The following PLAC1 variants were observed in gnomAD, a reference collection of about 807,000 sequenced individuals.
The protein encoded by PLAC1 is placenta-specific protein 1.
For synonymous variants in PLAC1, 68 were observed against 62.1 expected (o/e 1.09, Z -0.44); for missense variants, 136 against 163.2 (o/e 0.83, Z 0.91).
At chrX:134,734,732 C>T (rs2078698472) in intron 1 of PLAC1, among the ~76,000 whole-genome samples, 1 of 111,449 alleles carries the variant, frequency 9.0e-6, no homozygotes, top group Non-Finnish European at 1.9e-5. Flanking sequence ...CATCTCTGTC[C>T]ATGCTATAAA....
rs779874830 is a variant in PLAC1, at chrX:134,575,768, CAA to C, written c.-58-9030_-58-9029del. On this transcript the variant is annotated intron_variant, in intron 2 of 2. Transcript: ENST00000359237. ...TGGGCGACAGAATAAGACTCCGTCT[CAA>C]AAAAAAAAAAAAAAAAGTAGAACAG... Among the ~76,000 whole-genome samples, 59 of 56,341 alleles carry C rather than the reference CAA, an allele frequency of 1.0e-3. 1 individual carries two copies. Among genetic ancestry groups the C allele is most frequent in the Admixed American group, 2.1e-3 (10 of 4,874 alleles). 48.9% of individuals were successfully genotyped at this position (56,341 alleles called of 115,157 possible).
At chrX:134,591,695 C>T (rs1171436588) in intron 2 of PLAC1, among the ~76,000 whole-genome samples, 1 of 112,343 alleles carries the variant, frequency 8.9e-6, no homozygotes, top group East Asian at 2.8e-4. Context: ...ATGGTAATTG[C>T]ATGTTTAGTT....
intron 1 of PLAC1, among the ~76,000 whole-genome samples, chrX:134,640,658 T>C (rs903343877): frequency 8.9e-6 from 1 of 111,933 alleles, no homozygotes; most frequent in Admixed American, 9.5e-5. Flanking sequence ...CCAGATAGCA[T>C]AGTAGCCAGG....
chrX:134,684,434 C>A (rs979054368), intron 2 of PLAC1, among the ~76,000 whole-genome samples: 2 of 84,961 alleles, frequency 2.4e-5, no homozygotes, highest in Non-Finnish European at 4.5e-5. Flanking sequence ...AAAAAAAAAA[C>A]ACTCTAGGTT....
chrX:134,706,296 T>C (rs2078604444), intron 2 of PLAC1, among the ~76,000 whole-genome samples: 4 of 112,337 alleles, frequency 3.6e-5, no homozygotes, highest in Admixed American at 2.8e-4. Context: ...CTAGCCAGTG[T>C]GGTGTTGGAG....
At chrX:134,761,011 A>G (rs1251390716) in intron 1 of PLAC1, among the ~76,000 whole-genome samples, 3 of 111,308 alleles carry the variant, frequency 2.7e-5, no homozygotes, top group African/African-American at 9.8e-5. Flanking sequence ...TCAACTGACC[A>G]GCCAAGATGA....
In PLAC1 at chrX:134,757,297, T is replaced by C. The variant is rs149580058; in HGVS notation, n.89+6937A>G. ...TGATCCAACTTGGCAATAGGACAAA[T>C]TGACATTGTATACACCTCCTGACGT... On this transcript the variant is annotated intron_variant and non_coding_transcript_variant, in intron 1 of 2. Coordinates refer to the PLAC1 transcript ENST00000466797. 3.4e-3 allele frequency among the ~76,000 whole-genome samples: 388 copies of C among 113,131 alleles called. 1 individual carries two copies. The highest frequency in any genetic ancestry group is 0.012 in the African/African-American group (372 of 31,218).
chrX:134,666,172 A>G (rs2078436112), intron 2 of PLAC1, among the ~76,000 whole-genome samples: 1 of 111,397 alleles, frequency 9.0e-6, no homozygotes, highest in South Asian at 3.8e-4. Flanking sequence ...AACTCAGGAA[A>G]CCTTATAGTC....
chrX:134,662,726 T>C (rs2078420783), upstream of PLAC1, among the ~76,000 whole-genome samples: 1 of 112,025 alleles, frequency 8.9e-6, no homozygotes, highest in Non-Finnish European at 1.9e-5. Flanking sequence ...GCCCAGGAGT[T>C]CGAGACTAGC....
intron 1 of PLAC1, among the ~76,000 whole-genome samples, chrX:134,753,918 A>T (rs1403521796): frequency 9.0e-6 from 1 of 111,452 alleles, no homozygotes; most frequent in Admixed American, 9.5e-5. Flanking sequence ...TAAACCATAA[A>T]ACTTAAATAC....
At chrX:134,605,515 C>T (rs1480999159) in intron 1 of PLAC1, 1 of 112,547 alleles carries the variant, frequency 8.9e-6, no homozygotes, top group Non-Finnish European at 1.9e-5. Context: ...TCATTTTGTT[C>T]ACAAGAAGAA....
chrX:134,568,250 A>G (rs182922370), intron 2 of PLAC1, among the ~76,000 whole-genome samples: 116 of 112,965 alleles, frequency 1.0e-3, no homozygotes, highest in African/African-American at 3.4e-3. Flanking sequence ...CCCTGCACAA[A>G]TTCATTCTTT....
At chrX:134,601,323 G>A (rs1013819501) in intron 2 of PLAC1, among the ~76,000 whole-genome samples, 3 of 111,679 alleles carry the variant, frequency 2.7e-5, no homozygotes, top group African/African-American at 9.8e-5. Context: ...CCATGTATTT[G>A]TATTTTTTTG....
At chrX:134,739,681 G>T (rs1335777923) in intron 1 of PLAC1, among the ~76,000 whole-genome samples, 2 of 112,982 alleles carry the variant, frequency 1.8e-5, no homozygotes, top group East Asian at 5.6e-4. Flanking sequence ...AATAAGATCT[G>T]CCCCTTTCGA....
intron 1 of PLAC1, among the ~76,000 whole-genome samples, chrX:134,631,991 C>A (rs762149001): frequency 1.8e-5 from 2 of 112,248 alleles, no homozygotes; most frequent in South Asian, 3.7e-4. Context: ...GAAGGTGGAA[C>A]GAAATAGGCA....
chrX:134,648,086 A>G (rs1463435999), intron 1 of PLAC1, among the ~76,000 whole-genome samples: 1 of 111,420 alleles, frequency 9.0e-6, no homozygotes, highest in Non-Finnish European at 1.9e-5. Context: ...CTGGAATTTC[A>G]GCTTTTAAAA....
intron 1 of PLAC1, among the ~76,000 whole-genome samples, chrX:134,618,293 C>T (rs1460083667): frequency 8.9e-6 from 1 of 112,413 alleles, no homozygotes; most frequent in Non-Finnish European, 1.9e-5. Flanking sequence ...CAGAGCTATC[C>T]ATATCCTCAG....
At chrX:134,695,587 C>A (rs1405622754) in intron 2 of PLAC1, among the ~76,000 whole-genome samples, 1 of 112,180 alleles carries the variant, frequency 8.9e-6, no homozygotes, top group Non-Finnish European at 1.9e-5. Flanking sequence ...ATAAAGACTA[C>A]ACTGTGAAAA....
chrX:134,572,501 T>TTCA (rs1447437419), intron 2 of PLAC1, among the ~76,000 whole-genome samples: 14 of 112,281 alleles, frequency 1.2e-4, no homozygotes, highest in African/African-American at 4.2e-4. Flanking sequence ...CCGCACATTA[T>TTCA]TCATCATTTT....
Sources: gnomAD v4.1 joint callset for allele counts (sites outside exome capture counted in the v4.1 genomes callset) on GRCh38, gnomAD v4.1.1 for gene constraint, MANE v1.5 for transcripts, NCBI Gene and HGNC (gene_info 2026-07-23, HGNC 2026-07-21) for gene names.